Variants in GFI1B observed in about 807,000 individuals in gnomAD.
GFI1B encodes the protein growth factor independent 1B transcriptional repressor.
Under a neutral mutation model 35.3 loss-of-function variants are expected in GFI1B, and 20 were observed. The observed-to-expected ratio is 0.57, with a 90% CI of 0.40 to 0.82. The LOEUF is 0.82. Ranked by LOEUF, GFI1B falls within the 40% of genes least tolerant of loss-of-function variation. The pLI is 0.00. For missense variants in GFI1B, 430 were observed against 446.3 expected (o/e 0.96, Z 0.33); for synonymous variants, 178 against 177.6 (o/e 1.00, Z -0.02).
intron 1 of GFI1B, among the ~76,000 whole-genome samples, chr9:132,957,884 A>C (rs1183639938): frequency 6.6e-6 from 1 of 152,220 alleles, no homozygotes; most frequent in Admixed American, 6.5e-5. Context: ...GGCAACATGC[A>C]TTGAGTACCG....
intron 2 of GFI1B, among the ~76,000 whole-genome samples, chr9:132,973,325 G>A (rs1437489410): frequency 2.0e-5 from 3 of 152,212 alleles, no homozygotes; most frequent in East Asian, 1.9e-4. Context: ...TGCACCTGCC[G>A]GAGCTGTCCT....
chr9:132,980,606 A>T (rs1848789888), intron 1 of GFI1B, among the ~76,000 whole-genome samples: 1 of 152,204 alleles, frequency 6.6e-6, no homozygotes, highest in Non-Finnish European at 1.5e-5. Flanking sequence ...TGCAACCATC[A>T]CCACCATCCA....
At chr9:132,964,307 A>G (rs1244706089) in intron 1 of GFI1B, among the ~76,000 whole-genome samples, 1 of 152,204 alleles carries the variant, frequency 6.6e-6, no homozygotes, top group Non-Finnish European at 1.5e-5. Context: ...TACAATATAC[A>G]CTATCTGGTG....
chr9:132,984,882 T>C (rs1317317420), intron 1 of GFI1B, among the ~76,000 whole-genome samples: 2 of 152,158 alleles, frequency 1.3e-5, no homozygotes, highest in Non-Finnish European at 2.9e-5. Context: ...GTTCATCTCC[T>C]TGGGGAAGGG....
At chr9:132,947,258 A>C (rs1160616438) in intron 1 of GFI1B, 4 of 152,192 alleles carry the variant, frequency 2.6e-5, no homozygotes, top group African/African-American at 7.2e-5. Flanking sequence ...TGAACCGCCC[A>C]TCCTCAATTC....
At chr9:132,965,889 T>C (rs1298145708) in intron 1 of GFI1B, among the ~76,000 whole-genome samples, 1 of 152,262 alleles carries the variant, frequency 6.6e-6, no homozygotes, top group Non-Finnish European at 1.5e-5. Context: ...ATAGAATTTC[T>C]GCAATTTAAT....
At chr9:132,981,322 A>G (rs777156828) in intron 1 of GFI1B, among the ~76,000 whole-genome samples, 12 of 152,242 alleles carry the variant, frequency 7.9e-5, no homozygotes, top group South Asian at 6.2e-4. Flanking sequence ...TCCCCTTCCA[A>G]TGATTTTGGG....
At position 132,991,126 on chromosome 9, in the gene GFI1B, A is replaced by G; in HGVS notation, c.*76A>G. The G allele has an allele frequency of 1.5e-6, 2 of 1,304,616 alleles. No homozygotes were observed. Among genetic ancestry groups the G allele is most frequent in the Non-Finnish European group, 2.2e-6 (2 of 913,598 alleles). 80.8% of individuals were successfully genotyped at this position (1,304,616 alleles called of 1,614,324 possible). On this transcript the variant is annotated 3_prime_UTR_variant, in exon 7 of 7. Coordinates refer to ENST00000372122, the MANE Select transcript of GFI1B (RefSeq NM_001377304.1). ...CTGGAGGCCAGCCTCACATGCCCAA[A>G]TCTCCAGTCTCCTGGAGGTGGGACT...
chr9:132,948,919 AT>A (rs1848159784), intron 1 of GFI1B, among the ~76,000 whole-genome samples: 1 of 152,112 alleles, frequency 6.6e-6, no homozygotes, highest in African/African-American at 2.4e-5. Context: ...CTCCTCTTGG[AT>A]TTGACCAAAG....
At chr9:132,949,213 A>G (rs1848163352) in intron 1 of GFI1B, among the ~76,000 whole-genome samples, 1 of 151,718 alleles carries the variant, frequency 6.6e-6, no homozygotes, top group Non-Finnish European at 1.5e-5. Context: ...GCCCCTTCTT[A>G]GAGAATCTAT....
chr9:132,978,164 G>T (rs1848688351), upstream of GFI1B, among the ~76,000 whole-genome samples: 1 of 150,562 alleles, frequency 6.6e-6, no homozygotes, highest in Non-Finnish European at 1.5e-5. Flanking sequence ...GGAAAGGAGG[G>T]AAGAGAGAGA....
In GFI1B at chr9:132,989,795, G is replaced by T. The variant is rs201340517; in HGVS notation, c.702G>T (p.Thr234=). 4 of 1,613,966 alleles carry T rather than the reference G, an allele frequency of 2.5e-6. No homozygotes were observed. In the East Asian group the frequency reaches 6.7e-5, roughly 27 times the overall value. ...MCGKAFKRSS[T]LSTHLLIHSD... is the part of the protein sequence containing the mutation. Reference sequence around the variant, plus strand: ...GCAAGGCCTTCAAGCGCTCGTCCACGCTGTCCACCCACCTGCTCATCCACT... The same window carrying T: ...GCAAGGCCTTCAAGCGCTCGTCCACTCTGTCCACCCACCTGCTCATCCACT... Residue 234 remains threonine, a synonymous_variant, in exon 6 of 7, where the codon ACG becomes ACT. Transcript: ENST00000372122. This position sits in a 1 kb window ranked among gnomAD's most constrained non-coding sequence, Gnocchi z 6.2.
At chr9:132,948,312 G>C (rs1848152443) in intron 1 of GFI1B, among the ~76,000 whole-genome samples, 1 of 152,208 alleles carries the variant, frequency 6.6e-6, no homozygotes, top group Non-Finnish European at 1.5e-5. Context: ...GAGTTAAAGA[G>C]TGAAAGAGAC....
At chr9:132,957,876 C>T (rs993880222) in intron 1 of GFI1B, among the ~76,000 whole-genome samples, 4 of 152,158 alleles carry the variant, frequency 2.6e-5, no homozygotes, top group Non-Finnish European at 5.9e-5. Flanking sequence ...AGCCAACAGG[C>T]AACATGCATT....
At chr9:132,955,804 G>A (rs941219702) in intron 1 of GFI1B, among the ~76,000 whole-genome samples, 6 of 129,682 alleles carry the variant, frequency 4.6e-5, no homozygotes, top group African/African-American at 1.7e-4. Context: ...GTGTGTGTGT[G>A]TGCATGTGTG....
chr9:132,960,194 T>C (rs1409364058), intron 1 of GFI1B, among the ~76,000 whole-genome samples: 1 of 152,192 alleles, frequency 6.6e-6, no homozygotes, highest in Non-Finnish European at 1.5e-5. Context: ...ACTTTGCTTC[T>C]GGTTTCATCA....
intron 1 of GFI1B, among the ~76,000 whole-genome samples, chr9:132,983,766 T>C (rs1406794215): frequency 6.6e-6 from 1 of 152,232 alleles, no homozygotes; most frequent in Non-Finnish European, 1.5e-5. Flanking sequence ...CCACTCCCTC[T>C]GCAGAGAGAA....
chr9:132,946,352 G>A (rs1329403567), intron 1 of GFI1B, among the ~76,000 whole-genome samples: 1 of 152,140 alleles, frequency 6.6e-6, no homozygotes, highest in Non-Finnish European at 1.5e-5. Context: ...GGGATTTGGG[G>A]TGAAGTCAGT....
chr9:132,973,251 A>T (rs114495493), intron 2 of GFI1B, among the ~76,000 whole-genome samples: 1,767 of 152,236 alleles, frequency 0.012, 36 homozygotes, highest in African/African-American at 0.041. Context: ...CCCCGGTGCC[A>T]CCCGGCACAG....
Sources: allele counts gnomAD v4.1 joint callset (sites outside exome capture counted in the v4.1 genomes callset), GRCh38; gene constraint gnomAD v4.1.1; non-coding constraint Gnocchi (gnomAD v3.1); transcripts MANE v1.5; gene names NCBI Gene and HGNC (gene_info 2026-07-23, HGNC 2026-07-21).